The following ITPR2 variants were observed in gnomAD, a reference collection of about 807,000 sequenced individuals.
ITPR2 encodes the protein inositol 1,4,5-trisphosphate-gated calcium channel ITPR2.
Under a neutral mutation model 317.1 loss-of-function variants are expected in ITPR2, and 207 were observed. That is an observed-to-expected ratio of 0.65 (90% CI 0.58 to 0.73). ITPR2 has a LOEUF of 0.73. Ranked by LOEUF, ITPR2 falls within the 30% of genes least tolerant of loss-of-function variation. ITPR2 has a pLI of 0.00. For missense variants in ITPR2, 2,613 were observed against 3,284.0 expected (o/e 0.80, Z 4.99); for synonymous variants, 1,156 against 1,149.1 (o/e 1.01, Z -0.12).
chr12:26,373,783 T>G (rs567857811), intron 55 of ITPR2: 1 of 151,960 alleles, frequency 6.6e-6, no homozygotes, highest in Non-Finnish European at 1.5e-5. Flanking sequence ...CTGGAACTTT[T>G]TCAAATGTTG....
At chr12:26,391,023 T>C (rs1939818171) in intron 54 of ITPR2, among the ~76,000 whole-genome samples, 1 of 152,180 alleles carries the variant, frequency 6.6e-6, no homozygotes, top group Admixed American at 6.5e-5. Context: ...CAAAATGAAC[T>C]CTGATGAGGG....
chr12:26,529,072 A>G (rs1450921173), intron 37 of ITPR2, among the ~76,000 whole-genome samples: 3 of 152,204 alleles, frequency 2.0e-5, no homozygotes, highest in Admixed American at 2.0e-4. Context: ...TCTCAGCTAG[A>G]TAACTGCAAT....
Position 26,738,326 on chromosome 12 carries a change from T to C in ITPR2, c.164-12561A>G, listed in dbSNP as rs563959710. On this transcript the variant is annotated intron_variant, in intron 2 of 56. Transcript: ENST00000381340. ...GTTTGGAAAGTAGAACAGTAAAATA[T>C]TAAAGAATTGGGATGTGGGAGGAAA... Among the ~76,000 whole-genome samples, 3 of 152,248 alleles carry C rather than the reference T, an allele frequency of 2.0e-5. No individual in the cohort carries two copies. In the East Asian group the frequency reaches 5.8e-4, roughly 29 times the overall value.
chr12:26,632,049 C>A lies in ITPR2; in HGVS notation c.2751G>T (p.Val917=). The A allele has an allele frequency of 1.3e-6, 2 of 1,549,666 alleles. No homozygotes were observed. Among genetic ancestry groups the A allele is most frequent in the Non-Finnish European group, 8.7e-7 (1 of 1,149,924 alleles). Residue 917 remains valine (V), a synonymous_variant, in exon 22 of 57, where the codon GTG becomes GTT. Transcript: ENST00000381340. ...LSKFQDGGNN[V]MRTIHGVGEM... ...CTCCCACCCCATGAATGGTTCTCAT[C>A]ACATTGTTTCCTGGCATGAGAAAAT...
intron 54 of ITPR2, among the ~76,000 whole-genome samples, chr12:26,392,530 C>A (rs1408321165): frequency 4.6e-5 from 7 of 152,174 alleles, no homozygotes; most frequent in Non-Finnish European, 8.8e-5. Context: ...TAGCCTCTAC[C>A]ATTTTACTGT....
chr12:26,531,077 T>C (rs1040927241), intron 37 of ITPR2, among the ~76,000 whole-genome samples: 1 of 152,224 alleles, frequency 6.6e-6, no homozygotes, highest in Non-Finnish European at 1.5e-5. Flanking sequence ...TTATCTTAAA[T>C]ACCCTTAAGA....
intron 26 of ITPR2, among the ~76,000 whole-genome samples, chr12:26,605,126 A>AT (rs373595249): frequency 5.9e-5 from 8 of 136,308 alleles, no homozygotes; most frequent in African/African-American, 1.6e-4. Context: ...AAAAAATAAA[A>AT]ATATATATAT....
At chr12:26,726,757 C>T (rs1303305945) in intron 2 of ITPR2, among the ~76,000 whole-genome samples, 1 of 152,058 alleles carries the variant, frequency 6.6e-6, no homozygotes. Context: ...CACTATTTTC[C>T]TTAAAATTAA....
chr12:26,403,684 T>C (rs781747151), intron 52 of ITPR2, among the ~76,000 whole-genome samples: 4 of 152,100 alleles, frequency 2.6e-5, no homozygotes, highest in Non-Finnish European at 5.9e-5. Context: ...AATAGGGAGA[T>C]AAACTGTACA....
rs1565604798 is a variant in ITPR2, at chr12:26,561,862, G to A, written c.4721C>T (p.Ala1574Val). 6.3e-7 allele frequency: 1 copy of A among 1,598,248 alleles called. No individual in the cohort carries two copies. The highest frequency in any genetic ancestry group is 8.5e-7 in the Non-Finnish European group (1 of 1,176,074). Residue 1574 changes from alanine to valine, a missense_variant, in exon 35 of 57, where the codon GCA becomes GTA. Physicochemically the swap from Ala to Val is moderately conservative, Grantham distance 64. This residue lies in a region of ITPR2 where 926 missense variants were observed against 1,072.8 expected (regional missense o/e 0.86). Transcript: ENST00000381340. Reference sequence around the variant, plus strand: ...AGCTGATAGTCTCCAACCCATTGCTGCTCTCTGCACCATATTTGAATGGCT... The same window carrying A: ...AGCTGATAGTCTCCAACCCATTGCTACTCTCTGCACCATATTTGAATGGCT... The part of the protein sequence containing the change: ...MKSHSNMVQR[A>V]AMGWRLSARS...
intron 37 of ITPR2, among the ~76,000 whole-genome samples, chr12:26,504,935 T>A (rs1231464200): frequency 6.6e-6 from 1 of 151,974 alleles, no homozygotes; most frequent in African/African-American, 2.4e-5. Context: ...CTTTCATGAA[T>A]GTTAGAAATA....
intron 48 of ITPR2, among the ~76,000 whole-genome samples, chr12:26,431,702 C>T (rs1941212966): frequency 6.6e-6 from 1 of 152,186 alleles, no homozygotes; most frequent in South Asian, 2.1e-4. Flanking sequence ...CATTGTACCC[C>T]ACTACCTGGT....
At chr12:26,681,390 A>G (rs1948026882) in intron 13 of ITPR2, among the ~76,000 whole-genome samples, 1 of 152,160 alleles carries the variant, frequency 6.6e-6, no homozygotes, top group African/African-American at 2.4e-5. Context: ...TCAAGGTTCC[A>G]GTTTCTCTGA....
chr12:26,546,145 T>C (rs914515236), intron 37 of ITPR2, among the ~76,000 whole-genome samples: 2 of 152,250 alleles, frequency 1.3e-5, no homozygotes, highest in East Asian at 1.9e-4. Context: ...TTTGTTCTTA[T>C]AAATTTACAG....
intron 2 of ITPR2, among the ~76,000 whole-genome samples, chr12:26,769,180 T>C (rs546149564): frequency 2.2e-4 from 34 of 152,332 alleles, no homozygotes; most frequent in Non-Finnish European, 3.8e-4. Context: ...GGTGAGTCAA[T>C]GGTGCCTTGC....
chr12:26,364,017 C>G (rs1938925688), intron 55 of ITPR2, among the ~76,000 whole-genome samples: 1 of 152,192 alleles, frequency 6.6e-6, no homozygotes, highest in South Asian at 2.1e-4. Flanking sequence ...TGGAATGAGG[C>G]TGAACTAGCT....
intron 13 of ITPR2, among the ~76,000 whole-genome samples, chr12:26,678,480 CATTT>C (rs1947962563): frequency 6.6e-6 from 1 of 151,948 alleles, no homozygotes; most frequent in Non-Finnish European, 1.5e-5. Flanking sequence ...ATAATCACTT[CATTT>C]TCCATAGGGG....
intron 26 of ITPR2, among the ~76,000 whole-genome samples, chr12:26,619,393 C>T (rs1946445168): frequency 1.3e-5 from 2 of 152,192 alleles, no homozygotes; most frequent in South Asian, 4.1e-4. Flanking sequence ...GTTCGGCCAT[C>T]TATCGTTCTC....
rs537783273 is a variant in ITPR2 at position 26,763,151 on chromosome 12, T to C, written c.163+27006A>G. ...TACAATAAATACATTTGTGTGGTGATGGATGCGTGTTCTGGGGCATATATG... is the reference window on the plus strand; with the variant it reads ...TACAATAAATACATTTGTGTGGTGACGGATGCGTGTTCTGGGGCATATATG... On this transcript the variant is annotated intron_variant, in intron 2 of 56. Coordinates refer to ENST00000381340, the MANE Select transcript of ITPR2 (RefSeq NM_002223.4). 4.6e-5 allele frequency among the ~76,000 whole-genome samples: 7 copies of C among 152,230 alleles called. 1 individual carries two copies. Among genetic ancestry groups the C allele is most frequent in the African/African-American group, 1.7e-4 (7 of 41,578 alleles).
Sources: allele counts gnomAD v4.1 joint callset (sites outside exome capture counted in the v4.1 genomes callset), GRCh38; gene constraint gnomAD v4.1.1; regional missense constraint gnomAD v4.1.1; transcripts MANE v1.5; gene names NCBI Gene and HGNC (gene_info 2026-07-23, HGNC 2026-07-21).